The following MLC1 variants were observed in gnomAD, a reference collection of about 807,000 sequenced individuals.
The protein encoded by MLC1 is membrane protein MLC1.
Under a neutral mutation model 44.7 loss-of-function variants are expected in MLC1, and 32 were observed. The ratio of observed to expected loss-of-function variants is 0.72; its 90% CI spans 0.54 to 0.96. The LOEUF is 0.96. MLC1 is among the 40% of genes least tolerant of loss of function. MLC1 has a pLI of 0.00. For missense variants in MLC1, 459 were observed against 492.2 expected, an observed-to-expected ratio of 0.93 and a Z score of 0.64; for synonymous variants, 190 against 213.0, an observed-to-expected ratio of 0.89 and a Z score of 0.94.
rs137987114 is a variant in MLC1, at chr22:50,070,421, G to A, written c.771+106C>T. 2.3e-5 allele frequency: 26 copies of A among 1,117,176 alleles called. No individual in the cohort carries two copies. The East Asian group carries it at 3.1e-4, about 13-fold the overall frequency. The allele number at this position is 1,117,176 out of a possible 1,614,324, so 69.2% of individuals were successfully genotyped here. ...GCAGGCCCTGCAGCCCAGTCACTGCGCTCTCTTGGGCTGGAGCCTGGTCAC... is the reference window on the plus strand; with the variant it reads ...GCAGGCCCTGCAGCCCAGTCACTGCACTCTCTTGGGCTGGAGCCTGGTCAC... On this transcript the variant is annotated intron_variant, in intron 9 of 11. Transcript: ENST00000311597.
At chr22:50,071,897 G>T (rs970870196) in intron 8 of MLC1, among the ~76,000 whole-genome samples, 1 of 152,222 alleles carries the variant, frequency 6.6e-6, no homozygotes, top group Non-Finnish European at 1.5e-5. Flanking sequence ...TCAGCCAGGG[G>T]CTGTGGTGAG....
rs917419962 is a variant in MLC1 at position 50,079,821 on chromosome 22, T to C, written c.423+97A>G. The stretch of plus-strand genomic sequence containing the variant: ...AAACTCACGAGCTGTGAATAACATT[T>C]ACCACCTATTTCCAGCTCAACAAAC... On this transcript the variant is annotated intron_variant, in intron 5 of 11. Transcript: ENST00000311597. The C allele has an allele frequency of 3.1e-5, 28 of 907,846 alleles. No individual in the cohort carries two copies. In the African/African-American group the frequency reaches 4.6e-4, roughly 15 times the overall value. The allele number at this position is 907,846 out of a possible 1,614,324, so 56.2% of individuals were successfully genotyped here.
In MLC1 at chr22:50,068,647, G is replaced by T; in HGVS notation, c.772-92C>A. On this transcript the variant is annotated intron_variant, in intron 9 of 11. Coordinates refer to ENST00000311597, the MANE Select transcript of MLC1 (RefSeq NM_015166.4). ...CAGGGCTGGGGGGGCGGGCATGGCC[G>T]GGCACTCATGGGCATAGTCCCAAGC... is the stretch of plus-strand genomic sequence containing the variant. 4.6e-6 allele frequency: 6 copies of T among 1,311,642 alleles called. No individual in the cohort carries two copies. In the Admixed American group the frequency reaches 1.0e-4, roughly 22 times the overall value. 81.3% of individuals were successfully genotyped at this position (1,311,642 alleles called of 1,614,324 possible).
intron 10 of MLC1, among the ~76,000 whole-genome samples, 173 bp from the exon 11 acceptor site, chr22:50,064,371 C>T (rs1446393593): frequency 6.6e-6 from 1 of 152,208 alleles, no homozygotes; most frequent in East Asian, 1.9e-4. Flanking sequence ...CATTCTAGCT[C>T]AATTAATGAG....
chr22:50,062,919 G>A (rs982729353), intron 11 of MLC1, among the ~76,000 whole-genome samples: 1 of 152,182 alleles, frequency 6.6e-6, no homozygotes, highest in African/African-American at 2.4e-5. Context: ...GGCAGGGCCC[G>A]GGGGAACATT....
At chr22:50,065,891 AT>A (rs2061691870) in intron 10 of MLC1, among the ~76,000 whole-genome samples, 1 of 152,372 alleles carries the variant, frequency 6.6e-6, no homozygotes, top group Middle Eastern at 3.4e-3. Context: ...CGGAGGAGTT[AT>A]TTATAGTAGC....
chr22:50,068,502 G>A lies in MLC1; in HGVS notation c.825C>T (p.Ala275=), dbSNP rs1011467963. The change falls in exon 10 of 12, where the codon GCC becomes GCT. Residue 275 remains alanine (A), a synonymous_variant. Coordinates refer to ENST00000311597, the MANE Select transcript of MLC1 (RefSeq NM_015166.4). Reference sequence around the variant, plus strand: ...TGATGCTGAATGACAGATATCCAGAGGCTGTGAACAGCAGCGGAGACGTGA... The same window carrying A: ...TGATGCTGAATGACAGATATCCAGAAGCTGTGAACAGCAGCGGAGACGTGA... ...SSLTSPLLFT[A]SGYLSFSIMR... The A allele has an allele frequency of 6.2e-7, 1 of 1,613,932 alleles. No homozygotes were observed. Among genetic ancestry groups the A allele is most frequent in the Non-Finnish European group, 8.5e-7 (1 of 1,179,878 alleles).
rs201417187 is a variant in MLC1 at position 50,064,067 on chromosome 22, G to C, written c.1026C>G (p.Thr342=). The C allele has an allele frequency of 5.4e-5, 85 of 1,567,858 alleles. 2 individuals carry two copies. In the East Asian group the frequency reaches 1.9e-3, roughly 35 times the overall value. The change falls in exon 11 of 12, where the codon ACC becomes ACG. Residue 342 remains threonine (T), a synonymous_variant. Transcript: ENST00000311597. ...CCAGGCGCTCCTGCGGGCCGTTCTG[G>C]GTGTCCCAGGATGCACCCTGCAGCC... is the stretch of plus-strand genomic sequence containing the variant. The part of the protein sequence containing the change: ...SARLQGASWD[T]QNGPQERLAG...
At chr22:50,062,156 G>A (rs2061575680) in intron 11 of MLC1, among the ~76,000 whole-genome samples, 1 of 148,590 alleles carries the variant, frequency 6.7e-6, no homozygotes, top group African/African-American at 2.5e-5. Flanking sequence ...CTGAGCCCCT[G>A]GGCCCCAGCC....
intron 10 of MLC1, 49 bp from the exon 11 acceptor site, chr22:50,064,247 C>A: frequency 6.4e-7 from 1 of 1,550,700 alleles, no homozygotes; most frequent in Non-Finnish European, 8.7e-7. Context: ...GCCCTCCAGC[C>A]CAGGAGACCA....
At position 50,082,050 on chromosome 22, in the gene MLC1, C is replaced by T. The variant is rs545208189; in HGVS notation, c.267+1034G>A. 5.8e-4 allele frequency among the ~76,000 whole-genome samples: 89 copies of T among 152,326 alleles called. 2 individuals are homozygous for T. The South Asian group carries it at 0.018, about 30-fold the overall frequency. On this transcript the variant is annotated intron_variant, in intron 3 of 11. Coordinates refer to ENST00000311597, the MANE Select transcript of MLC1 (RefSeq NM_015166.4). ...CTTTGTTTTTAAGACATTTCGGGGG[C>T]GCTGCTGGGGACAGTCACCAACAGT...
chr22:50,076,708 T>A lies in MLC1; in HGVS notation c.597+133A>T, dbSNP rs543792700. On this transcript the variant is annotated intron_variant, in intron 7 of 11. Coordinates refer to ENST00000311597, the MANE Select transcript of MLC1 (RefSeq NM_015166.4). ...AATAACAGACTAGAGTCTCCACAGA[T>A]GAGGCGCACGCCGCCATGCGGTGTA... The A allele has an allele frequency of 4.6e-6, 4 of 868,618 alleles. No homozygotes were observed. In the African/African-American group the frequency reaches 6.6e-5, roughly 14 times the overall value. The allele number at this position is 868,618 out of a possible 1,614,324, so 53.8% of individuals were successfully genotyped here. A position where few individuals can be genotyped will look rare whatever the true frequency, so the allele number is the denominator to read the frequency against.
Position 50,061,576 on chromosome 22 carries a change from CTG to C in MLC1, c.*5_*6del. 1 of 1,613,556 alleles carries C rather than the reference CTG, an allele frequency of 6.2e-7. No individual in the cohort carries two copies. The highest frequency in any genetic ancestry group is 8.5e-7 in the Non-Finnish European group (1 of 1,179,902). On this transcript the variant is annotated 3_prime_UTR_variant, in exon 12 of 12. Coordinates refer to ENST00000311597, the MANE Select transcript of MLC1 (RefSeq NM_015166.4). ...GGGCGCTGCCACCCGGTTTCCGCGT[CTG>C]GGGGTCACTGGGCCATTTGCACCAC...
rs770576284 is a variant in MLC1, at chr22:50,077,455, C to T, written c.471G>A (p.Ala157=). 5.6e-6 allele frequency: 9 copies of T among 1,613,848 alleles called. No individual in the cohort carries two copies. Among genetic ancestry groups the T allele is most frequent in the African/African-American group, 2.7e-5 (2 of 74,938 alleles). ...ILLLLLELLM[A]ATVIIAARSS... is the part of the protein sequence containing the mutation. ...ACCGTGCAGCGATGATCACCGTGGC[C>T]GCCATGAGCAGCTCCAGCAGGAGCA... is the stretch of plus-strand genomic sequence containing the variant. The change falls in exon 6 of 12, where the codon GCG becomes GCA. Residue 157 remains alanine, a synonymous_variant. Coordinates refer to ENST00000311597, the MANE Select transcript of MLC1 (RefSeq NM_015166.4).
chr22:50,082,050 C>A (rs545208189), intron 3 of MLC1, among the ~76,000 whole-genome samples: 1 of 152,210 alleles, frequency 6.6e-6, no homozygotes. Flanking sequence ...ATTTCGGGGG[C>A]GCTGCTGGGG....
rs774940679 is a variant in MLC1, at chr22:50,068,568, C to T, written c.772-13G>A. 21 of 1,485,600 alleles carry T rather than the reference C, an allele frequency of 1.4e-5. No individual in the cohort carries two copies. Among genetic ancestry groups the T allele is most frequent in the African/African-American group, 8.5e-5 (6 of 70,914 alleles). 92.0% of individuals were successfully genotyped at this position (1,485,600 alleles called of 1,614,324 possible). The stretch of plus-strand genomic sequence containing the variant: ...TCAGGACCTCCACCTGGAAAAAAAG[C>T]GCGGGTTGCAGGACCACGGCCGGAG... On this transcript the variant is annotated splice_polypyrimidine_tract_variant and intron_variant, in intron 9 of 11. Transcript: ENST00000311597.
chr22:50,070,683 C>G (rs1294378964), intron 8 of MLC1, 100 bp from the exon 9 acceptor site: 17 of 1,304,164 alleles, frequency 1.3e-5, no homozygotes, highest in Non-Finnish European at 1.7e-5. Flanking sequence ...TGCAGGCTGC[C>G]TGGCTGGCTT....
At chr22:50,084,260 C>T (rs1321499787) in intron 2 of MLC1, among the ~76,000 whole-genome samples, 1 of 152,182 alleles carries the variant, frequency 6.6e-6, no homozygotes, top group Non-Finnish European at 1.5e-5. Context: ...TGCCCGTCCA[C>T]CCCAGACCTG....
intron 9 of MLC1, 34 bp from the exon 10 acceptor site, chr22:50,068,589 C>G (rs73893124): frequency 2.2e-6 from 3 of 1,365,258 alleles, no homozygotes; most frequent in Non-Finnish European, 2.0e-6. Flanking sequence ...GGACCACGGC[C>G]GGAGCCTGGG....
Sources: gnomAD v4.1 joint callset for allele counts (sites outside exome capture counted in the v4.1 genomes callset) on GRCh38, gnomAD v4.1.1 for gene constraint, MANE v1.5 for transcripts, NCBI Gene and HGNC (gene_info 2026-07-23, HGNC 2026-07-21) for gene names.